NFATC2: variants seen among roughly 807,000 people sequenced by gnomAD.
NFATC2 encodes nuclear factor of activated T-cells, cytoplasmic 2.
In NFATC2, 22 loss-of-function variants were observed where a neutral mutation model predicts 87.3. The observed-to-expected ratio is 0.25, with a 90% CI of 0.18 to 0.36. NFATC2 has a LOEUF of 0.36. Among genes scored for constraint, NFATC2 ranks in the 10% least tolerant of loss-of-function variants. The pLI is 1.00. For missense variants in NFATC2, 1,149 were observed against 1,259.1 expected, an observed-to-expected ratio of 0.91 and a Z score of 1.32; for synonymous variants, 565 against 542.2, an observed-to-expected ratio of 1.04 and a Z score of -0.58.
rs1165779405 is a variant in NFATC2, at chr20:51,523,050, C to A, written c.1160+31G>T. ...AAAACCATCTCTTAAAACTAAACCA[C>A]AGAATCAATCATTTTCAAAGCCCTG... is the stretch of plus-strand genomic sequence containing the variant. On this transcript the variant is annotated intron_variant, in intron 2 of 10. Transcript: ENST00000371564. The surrounding 1 kb of genome is among the most constrained non-coding windows in gnomAD (Gnocchi z 6.9). 6.2e-7 allele frequency: 1 copy of A among 1,613,096 alleles called. No homozygotes were observed. The highest frequency in any genetic ancestry group is 1.3e-5 in the African/African-American group (1 of 74,922).
At chr20:51,412,992 C>CA (rs1979486636) in intron 9 of NFATC2, among the ~76,000 whole-genome samples, 2 of 28,262 alleles carry the variant, frequency 7.1e-5, no homozygotes, top group African/African-American at 3.3e-4. Context: ...CCCCCGCTCC[C>CA]GCCGCCCCCC....
In NFATC2 at chr20:51,391,343, T is replaced by G; in HGVS notation, c.*153A>C. 6.3e-7 allele frequency: 1 copy of G among 1,577,174 alleles called. No individual in the cohort carries two copies. Among genetic ancestry groups the G allele is most frequent in the Middle Eastern group, 1.7e-4 (1 of 5,960 alleles). On this transcript the variant is annotated 3_prime_UTR_variant, in exon 11 of 11. Coordinates refer to ENST00000371564, the MANE Select transcript of NFATC2 (RefSeq NM_012340.5). ...AAAGGAGACAGAAGGTGAGGGGCTG[T>G]GGAGGGCTCCGAGGGGTCAGATACA...
intron 3 of NFATC2, among the ~76,000 whole-genome samples, chr20:51,496,046 A>C (rs758847026): frequency 9.2e-5 from 14 of 152,164 alleles, no homozygotes; most frequent in Non-Finnish European, 1.6e-4. Flanking sequence ...GCAGGTTCCA[A>C]ACCCCCACCC....
intron 5 of NFATC2, among the ~76,000 whole-genome samples, chr20:51,458,013 G>A (rs568085311): frequency 5.3e-5 from 8 of 151,816 alleles, no homozygotes; most frequent in African/African-American, 1.7e-4. Flanking sequence ...AGCCTCCCGA[G>A]TAGCTGGCAT....
chr20:51,482,983 G>A (rs1989391948), intron 3 of NFATC2, among the ~76,000 whole-genome samples: 1 of 152,184 alleles, frequency 6.6e-6, no homozygotes, highest in African/African-American at 2.4e-5. Context: ...ATCTGAGGGG[G>A]CATTCACTAT....
intron 3 of NFATC2, among the ~76,000 whole-genome samples, chr20:51,507,706 A>G (rs1367293582): frequency 1.3e-5 from 2 of 152,194 alleles, no homozygotes; most frequent in African/African-American, 2.4e-5. Flanking sequence ...CGCTTCGTCT[A>G]CTTCCAAGAG....
rs371093760 is a variant in NFATC2 at position 51,555,213 on chromosome 20, A to G, written c.70+7347T>C. 3.3e-5 allele frequency among the ~76,000 whole-genome samples: 5 copies of G among 152,260 alleles called. No homozygotes were observed. In the East Asian group the frequency reaches 7.7e-4, roughly 23 times the overall value. On this transcript the variant is annotated intron_variant, in intron 1 of 10. Transcript: ENST00000414705. Reference sequence around the variant, plus strand: ...TTAATGGGCAGTAAGACCATTTGAAAAGATTCATTAGACCACATACCACTG... The same window carrying G: ...TTAATGGGCAGTAAGACCATTTGAAGAGATTCATTAGACCACATACCACTG...
At chr20:51,535,744 GT>G (rs953541811) in intron 1 of NFATC2, among the ~76,000 whole-genome samples, 13 of 152,048 alleles carry the variant, frequency 8.5e-5, no homozygotes, top group East Asian at 3.8e-4. Flanking sequence ...CAGACTTGGG[GT>G]TTTTTTTCCC....
intron 6 of NFATC2, among the ~76,000 whole-genome samples, chr20:51,436,844 G>A (rs368679946): frequency 1.9e-4 from 29 of 152,310 alleles, no homozygotes; most frequent in African/African-American, 6.7e-4. Flanking sequence ...ACAGGTCCCT[G>A]ACTGTCCCAG....
upstream of NFATC2, among the ~76,000 whole-genome samples, chr20:51,546,651 G>A (rs1219937826): frequency 6.6e-6 from 1 of 152,146 alleles, no homozygotes; most frequent in Non-Finnish European, 1.5e-5. Context: ...GCACACATTG[G>A]TACTATTTGA....
At chr20:51,429,251 G>A (rs61200293) in intron 9 of NFATC2, among the ~76,000 whole-genome samples, 1 of 152,216 alleles carries the variant, frequency 6.6e-6, no homozygotes, top group African/African-American at 2.4e-5. Context: ...ATGCAGTCTG[G>A]GGCTTGCCAC....
At chr20:51,510,016 T>C (rs2076247170) in intron 3 of NFATC2, among the ~76,000 whole-genome samples, 3 of 152,244 alleles carry the variant, frequency 2.0e-5, no homozygotes, top group African/African-American at 7.2e-5. Context: ...CCCATGTTTT[T>C]TCCACATGTC....
Position 51,387,774 on chromosome 20 carries a change from C to T in NFATC2, c.*3722G>A, listed in dbSNP as rs556660859. 26 of 151,828 alleles carry T rather than the reference C, an allele frequency of 1.7e-4. No individual in the cohort carries two copies. The highest frequency in any genetic ancestry group is 5.6e-4 in the African/African-American group (23 of 41,418). 9.4% of individuals were successfully genotyped at this position (151,828 alleles called of 1,614,324 possible). Reference sequence around the variant, plus strand: ...AAAGGTTAGCCCAGCTTGTCAAGAACGTCACAACTCCATCCATGCCTCTTG... The same window carrying T: ...AAAGGTTAGCCCAGCTTGTCAAGAATGTCACAACTCCATCCATGCCTCTTG... On this transcript the variant is annotated 3_prime_UTR_variant, in exon 11 of 11. Transcript: ENST00000371564.
At chr20:51,494,026 G>A (rs944689165) in intron 3 of NFATC2, among the ~76,000 whole-genome samples, 2 of 152,262 alleles carry the variant, frequency 1.3e-5, no homozygotes, top group East Asian at 1.9e-4. Flanking sequence ...TGGGTACAGT[G>A]CCTGGCAAAG....
Position 51,534,702 on chromosome 20 carries a change from G to A in NFATC2, c.130+7668C>T, listed in dbSNP as rs539716917. On this transcript the variant is annotated intron_variant, in intron 1 of 10. Transcript: ENST00000371564. The stretch of plus-strand genomic sequence containing the variant: ...CACAAATATTTCACATACATCTTGT[G>A]CCTTTGCATATATATACACACACTC... 3.9e-5 allele frequency among the ~76,000 whole-genome samples: 6 copies of A among 152,210 alleles called. No individual in the cohort carries two copies. In the South Asian group the frequency reaches 1.0e-3, roughly 26 times the overall value.
intron 5 of NFATC2, among the ~76,000 whole-genome samples, chr20:51,461,106 A>G (rs1195274846): frequency 6.6e-6 from 1 of 152,194 alleles, no homozygotes; most frequent in Non-Finnish European, 1.5e-5. Context: ...GAGGAACTGA[A>G]GCCAGCGCAC....
At chr20:51,479,024 G>A (rs140101271) in intron 3 of NFATC2, among the ~76,000 whole-genome samples, 168 of 152,302 alleles carry the variant, frequency 1.1e-3, no homozygotes, top group African/African-American at 3.8e-3. Flanking sequence ...GGAATTTTAA[G>A]AGCCAGTTGA....
At chr20:51,442,502 G>T (rs111517633) in intron 6 of NFATC2, among the ~76,000 whole-genome samples, 1 of 152,168 alleles carries the variant, frequency 6.6e-6, no homozygotes, top group South Asian at 2.1e-4. Flanking sequence ...AGTATGTACC[G>T]CATGATGCCG....
rs1264822388 is a variant in NFATC2 at position 51,388,012 on chromosome 20, A to G, written c.*3484T>C. 6.6e-6 allele frequency: 1 copy of G among 152,130 alleles called. No homozygotes were observed. Among genetic ancestry groups the G allele is most frequent in the Non-Finnish European group, 1.5e-5 (1 of 68,032 alleles). The allele number at this position is 152,130 out of a possible 1,614,324, so 9.4% of individuals were successfully genotyped here. A position where few individuals can be genotyped will look rare whatever the true frequency, so the allele number is the denominator to read the frequency against. ...CTTGGCTACTGGATGTAAACAAAAA[A>G]TGCAATATCCGTGCCTCCCAGTTCT... On this transcript the variant is annotated 3_prime_UTR_variant, in exon 11 of 11. Transcript: ENST00000371564.
Sources: gnomAD v4.1 joint callset for allele counts (sites outside exome capture counted in the v4.1 genomes callset) on GRCh38, gnomAD v4.1.1 for gene constraint, Gnocchi (gnomAD v3.1) non-coding constraint, MANE v1.5 for transcripts, NCBI Gene and HGNC (gene_info 2026-07-23, HGNC 2026-07-21) for gene names.